Variants in CDH4 observed in about 807,000 individuals in gnomAD.
The protein encoded by CDH4 is cadherin 4.
In CDH4, 33 loss-of-function variants were observed where a neutral mutation model predicts 86.0. The observed-to-expected ratio is 0.38, with a 90% CI of 0.29 to 0.51. The LOEUF is 0.51. CDH4 is among the 20% of genes least tolerant of loss of function. CDH4 has a pLI of 0.86. For missense variants in CDH4, 1,114 were observed against 1,307.4 expected (o/e 0.85, Z 2.28); for synonymous variants, 555 against 549.4 (o/e 1.01, Z -0.14).
At chr20:61,542,772 A>G (rs1207953118) in intron 2 of CDH4, among the ~76,000 whole-genome samples, 3 of 152,228 alleles carry the variant, frequency 2.0e-5, no homozygotes, top group Non-Finnish European at 4.4e-5. Context: ...AAGGGACAGA[A>G]CTAATAGGAG....
At chr20:61,929,051 T>C (rs1442854095) in intron 12 of CDH4, among the ~76,000 whole-genome samples, 5 of 152,254 alleles carry the variant, frequency 3.3e-5, no homozygotes, top group Non-Finnish European at 7.3e-5. Context: ...TGCCTATGTT[T>C]TCTTTGGGGA....
At chr20:61,868,745 C>G (rs1255278809) in intron 6 of CDH4, among the ~76,000 whole-genome samples, 1 of 68,070 alleles carries the variant, frequency 1.5e-5, no homozygotes, top group Non-Finnish European at 3.7e-5. Flanking sequence ...TCCTCCCTGG[C>G]CAGCTGGGTG....
At chr20:61,253,284 C>T (rs2084075807) in intron 1 of CDH4, among the ~76,000 whole-genome samples, 1 of 150,874 alleles carries the variant, frequency 6.6e-6, no homozygotes, top group African/African-American at 2.4e-5. Context: ...GGAGGGCGCC[C>T]CGGGAGGGCG....
At chr20:61,758,744 T>C (rs1483368392) in intron 3 of CDH4, among the ~76,000 whole-genome samples, 2 of 152,192 alleles carry the variant, frequency 1.3e-5, no homozygotes, top group Non-Finnish European at 1.5e-5. Flanking sequence ...AGACTTGGCC[T>C]CCTGACGGGG....
intron 2 of CDH4, among the ~76,000 whole-genome samples, chr20:61,490,867 A>C (rs1462407320): frequency 2.0e-5 from 3 of 152,180 alleles, no homozygotes; most frequent in Non-Finnish European, 4.4e-5. Context: ...AAAGAAACGT[A>C]AAGTTACATT....
At chr20:61,764,036 G>A (rs1391731519) in intron 3 of CDH4, among the ~76,000 whole-genome samples, 1 of 152,206 alleles carries the variant, frequency 6.6e-6, no homozygotes, top group Non-Finnish European at 1.5e-5. Context: ...GAGTTTTGCT[G>A]ATACTGAGCT....
At chr20:61,848,130 T>C (rs1481917410) in intron 5 of CDH4, among the ~76,000 whole-genome samples, 1 of 152,222 alleles carries the variant, frequency 6.6e-6, no homozygotes, top group African/African-American at 2.4e-5. Flanking sequence ...CCCAGAAAGA[T>C]GGGGATCACA....
At chr20:61,602,623 G>A (rs1315021128) in intron 2 of CDH4, among the ~76,000 whole-genome samples, 2 of 150,374 alleles carry the variant, frequency 1.3e-5, no homozygotes, top group African/African-American at 4.9e-5. Context: ...CAGCTCTTTG[G>A]GGAAAAACCC....
chr20:61,288,697 G>C (rs949613862), intron 2 of CDH4, among the ~76,000 whole-genome samples: 2 of 152,206 alleles, frequency 1.3e-5, no homozygotes, highest in African/African-American at 4.8e-5. Flanking sequence ...GGGCTGCCGC[G>C]GCCGGCTCCA....
At chr20:61,884,529 C>T (rs1984445970) in intron 7 of CDH4, among the ~76,000 whole-genome samples, 2 of 151,602 alleles carry the variant, frequency 1.3e-5, no homozygotes, top group South Asian at 2.1e-4. Flanking sequence ...CCCCGTGTGG[C>T]CGTGCCCCTG....
chr20:61,823,136 C>A (rs1327188027), intron 4 of CDH4, among the ~76,000 whole-genome samples: 1 of 151,936 alleles, frequency 6.6e-6, no homozygotes, highest in African/African-American at 2.4e-5. Flanking sequence ...TCTATTCAGG[C>A]CTTTGACTGA....
At chr20:61,278,077 G>GTC (rs2084240133) in intron 2 of CDH4, among the ~76,000 whole-genome samples, 1 of 152,222 alleles carries the variant, frequency 6.6e-6, no homozygotes, top group East Asian at 1.9e-4. Flanking sequence ...CCGGGCATCT[G>GTC]TGAGCCAGGC....
intron 2 of CDH4, among the ~76,000 whole-genome samples, chr20:61,557,899 G>A (rs1322185035): frequency 6.6e-6 from 1 of 152,114 alleles, no homozygotes; most frequent in Non-Finnish European, 1.5e-5. Context: ...GCTGTGTGGT[G>A]CACCGTCGCT....
In CDH4 at chr20:61,639,416, C is replaced by G. The variant is rs2086981830; in HGVS notation, c.170-104147C>G. On this transcript the variant is annotated intron_variant, in intron 2 of 15. Coordinates refer to ENST00000614565, the MANE Select transcript of CDH4 (RefSeq NM_001794.5). The stretch of plus-strand genomic sequence containing the variant: ...TGCCATTGAAATAATTGATTTCTTG[C>G]TTTGATTGTGTAAGATGGCTGCTCT... Among the ~76,000 whole-genome samples the G allele has an allele frequency of 2.6e-5, 4 of 152,218 alleles. No individual in the cohort carries two copies. The South Asian group carries it at 8.3e-4, about 32-fold the overall frequency.
At chr20:61,926,909 C>T (rs976622330) in intron 11 of CDH4, among the ~76,000 whole-genome samples, 17 of 152,136 alleles carry the variant, frequency 1.1e-4, no homozygotes, top group Non-Finnish European at 1.8e-4. Flanking sequence ...ATTGTGAGGC[C>T]GCAGCTGGAA....
chr20:61,752,440 AT>A (rs1166439871), intron 3 of CDH4, among the ~76,000 whole-genome samples: 1 of 150,946 alleles, frequency 6.6e-6, no homozygotes, highest in African/African-American at 2.5e-5. Context: ...TATACTCTTG[AT>A]GGGAGTGTAC....
intron 2 of CDH4, among the ~76,000 whole-genome samples, chr20:61,683,672 T>C (rs2087544452): frequency 1.3e-5 from 2 of 152,182 alleles, no homozygotes; most frequent in African/African-American, 4.8e-5. Flanking sequence ...GATTTAATGT[T>C]CAGGTCAAAT....
Position 61,873,755 on chromosome 20 carries a change from A to T in CDH4, c.905A>T (p.Asn302Ile), listed in dbSNP as rs762210609. Reference sequence around the variant, plus strand: ...ACCTACGTGATGACCGTCACGGCCAACGATGCTGACGACAGCACCACGGCC... The same window carrying T: ...ACCTACGTGATGACCGTCACGGCCATCGATGCTGACGACAGCACCACGGCC... Reference protein sequence around the residue: ...PGTYVMTVTANDADDSTTANG... With the variant: ...PGTYVMTVTAIDADDSTTANG... The change falls in exon 7 of 16, where the codon AAC becomes ATC. Residue 302 changes from asparagine (N) to isoleucine (I), a missense_variant. Asn to Ile is a moderately radical substitution (Grantham distance 149, BLOSUM62 -3). Around this residue, in one of 3 missense-constraint regions of CDH4, gnomAD observed 705 missense variants for 914.1 expected, o/e 0.77. Transcript: ENST00000614565. The T allele has an allele frequency of 3.1e-6, 5 of 1,613,654 alleles. No homozygotes were observed. The highest frequency in any genetic ancestry group is 4.2e-6 in the Non-Finnish European group (5 of 1,180,036).
chr20:61,533,852 A>G (rs1395739709), intron 2 of CDH4, among the ~76,000 whole-genome samples: 2 of 152,174 alleles, frequency 1.3e-5, no homozygotes, highest in Admixed American at 1.3e-4. Context: ...AAACCTCAAT[A>G]TGGGACCAAA....
Sources: allele counts gnomAD v4.1 joint callset (sites outside exome capture counted in the v4.1 genomes callset), GRCh38; gene constraint gnomAD v4.1.1; regional missense constraint gnomAD v4.1.1; transcripts MANE v1.5; gene names NCBI Gene and HGNC (gene_info 2026-07-23, HGNC 2026-07-21).